Variants in EML4 observed in about 807,000 individuals in gnomAD.
EML4 encodes the protein EMAP like 4, also known as echinoderm microtubule-associated protein-like 4.
In EML4, 72 loss-of-function variants were observed where a neutral mutation model predicts 129.0. The ratio of observed to expected loss-of-function variants is 0.56; its 90% confidence interval spans 0.46 to 0.68. EML4 has a LOEUF of 0.68. EML4 is among the 30% of genes least tolerant of loss of function. EML4 has a pLI of 0.00. For missense variants in EML4, 1,363 were observed against 1,190.6 expected, an observed-to-expected ratio of 1.14 and a Z score of -2.13; for synonymous variants, 532 against 405.0, an observed-to-expected ratio of 1.31 and a Z score of -3.77.
At chr2:42,239,621 C>T (rs988962059) in intron 1 of EML4, among the ~76,000 whole-genome samples, 3 of 151,894 alleles carry the variant, frequency 2.0e-5, no homozygotes, top group Non-Finnish European at 4.4e-5. Flanking sequence ...CTTGAGAATT[C>T]ATTTGTATTT....
intron 1 of EML4, among the ~76,000 whole-genome samples, chr2:42,234,189 G>A (rs536063820): frequency 5.4e-4 from 83 of 152,318 alleles, no homozygotes; most frequent in African/African-American, 1.8e-3. Context: ...AGAGCAAAAG[G>A]GCAGGAGAAG....
intron 1 of EML4, among the ~76,000 whole-genome samples, chr2:42,233,159 C>T (rs560928155): frequency 1.3e-5 from 2 of 152,262 alleles, no homozygotes; most frequent in South Asian, 4.1e-4. Context: ...GTTTAGGTTT[C>T]ATCCCTTCAC....
intron 1 of EML4, among the ~76,000 whole-genome samples, chr2:42,179,594 A>G (rs907970230): frequency 2.0e-5 from 3 of 152,114 alleles, no homozygotes; most frequent in Admixed American, 6.6e-5. Flanking sequence ...AAGGTAATAC[A>G]TATATGGGGG....
intron 11 of EML4, among the ~76,000 whole-genome samples, chr2:42,291,612 G>T (rs1029555514): frequency 1.3e-5 from 2 of 151,676 alleles, no homozygotes; most frequent in African/African-American, 4.8e-5. Context: ...CACCATGTTG[G>T]CCAGGCTGGT....
At chr2:42,246,484 T>G (rs76030158) in intron 2 of EML4, among the ~76,000 whole-genome samples, 3,489 of 152,252 alleles carry the variant, frequency 0.023, 132 homozygotes, top group African/African-American at 0.08. Context: ...GGGAGGAGTT[T>G]TATATAACTC....
Position 42,303,084 on chromosome 2 carries a change from C to A in EML4, c.1642-20C>A. 1 of 1,612,744 alleles carries A rather than the reference C, an allele frequency of 6.2e-7. No individual in the cohort carries two copies. The highest frequency in any genetic ancestry group is 8.5e-7 in the Non-Finnish European group (1 of 1,179,416). ...ATGCATATTAGTATGTATATGGTGA[C>A]TTTACACTTTTTTTTCTAGGTTCCT... On this transcript the variant is annotated intron_variant, in intron 14 of 22. Coordinates refer to ENST00000318522, the MANE Select transcript of EML4 (RefSeq NM_019063.5).
intron 13 of EML4, 88 bp from the exon 14 acceptor site, chr2:42,301,153 C>G (rs2103712241): frequency 8.8e-7 from 1 of 1,130,722 alleles, no homozygotes; most frequent in Non-Finnish European, 1.3e-6. Context: ...ATTATTAACT[C>G]TAGTTCTACT....
chr2:42,182,837 C>A (rs1401825446), intron 1 of EML4, among the ~76,000 whole-genome samples: 4 of 152,140 alleles, frequency 2.6e-5, no homozygotes, highest in African/African-American at 9.7e-5. Context: ...CAACACCTTC[C>A]TCCCTAGCTT....
intron 1 of EML4, among the ~76,000 whole-genome samples, chr2:42,209,019 C>G (rs1672728630): frequency 6.6e-6 from 1 of 152,106 alleles, no homozygotes. Flanking sequence ...GTTTTATCCC[C>G]TAAGAGTCCA....
chr2:42,260,159 C>G (rs1358332611), intron 3 of EML4, among the ~76,000 whole-genome samples: 2 of 151,620 alleles, frequency 1.3e-5, no homozygotes, highest in African/African-American at 4.8e-5. Context: ...GCCACCACAC[C>G]CGGGCTCTGT....
At chr2:42,179,121 G>A (rs913791765) in intron 1 of EML4, among the ~76,000 whole-genome samples, 1 of 152,150 alleles carries the variant, frequency 6.6e-6, no homozygotes. Context: ...ATGGATTTGT[G>A]TGTCTCTGCA....
intron 1 of EML4, among the ~76,000 whole-genome samples, chr2:42,209,092 A>T (rs1231474294): frequency 6.6e-6 from 1 of 152,182 alleles, no homozygotes; most frequent in Non-Finnish European, 1.5e-5. Context: ...GCATCTTTAT[A>T]ATCTAATTGT....
At chr2:42,252,721 G>T (rs929244874) in intron 2 of EML4, among the ~76,000 whole-genome samples, 1 of 151,972 alleles carries the variant, frequency 6.6e-6, no homozygotes, top group Non-Finnish European at 1.5e-5. Flanking sequence ...TACACATACT[G>T]CAATAGGATC....
chr2:42,296,445 T>A (rs546086457), intron 13 of EML4, among the ~76,000 whole-genome samples: 16 of 151,234 alleles, frequency 1.1e-4, no homozygotes, highest in African/African-American at 3.9e-4. Flanking sequence ...TTCATTCACC[T>A]CCCCTAAACA....
In EML4 at chr2:42,235,471, C is replaced by G. The variant is rs143777826; in HGVS notation, c.26-10034C>G. On this transcript the variant is annotated intron_variant, in intron 1 of 22. Coordinates refer to ENST00000318522, the MANE Select transcript of EML4 (RefSeq NM_019063.5). Reference sequence around the variant, plus strand: ...GAGCCAGACTGTGTCTCAAAACAAACAAAACAAAAACACTATACACAGTGT... The same window carrying G: ...GAGCCAGACTGTGTCTCAAAACAAAGAAAACAAAAACACTATACACAGTGT... Among the ~76,000 whole-genome samples the G allele has an allele frequency of 7.8e-4, 118 of 152,134 alleles. 1 individual carries two copies. The East Asian group carries it at 0.015, about 20-fold the overall frequency.
intron 2 of EML4, among the ~76,000 whole-genome samples, chr2:42,252,518 C>T (rs993715757): frequency 1.3e-5 from 2 of 152,132 alleles, no homozygotes; most frequent in Non-Finnish European, 2.9e-5. Context: ...CAGCTTAAAA[C>T]CCTTTAGTGG....
At chr2:42,292,619 G>A (rs1431860522) in intron 11 of EML4, among the ~76,000 whole-genome samples, 2 of 152,214 alleles carry the variant, frequency 1.3e-5, no homozygotes, top group East Asian at 1.9e-4. Flanking sequence ...AGGGGATAGT[G>A]ACTGGAAAGG....
At position 42,329,809 on chromosome 2, in the gene EML4, A is replaced by C. The variant is rs749606869; in HGVS notation, c.2548A>C (p.Ile850Leu). Residue 850 changes from isoleucine (I) to leucine (L), a missense_variant, in exon 23 of 23, where the codon ATA becomes CTA. Physicochemically the swap from Ile to Leu is conservative, Grantham distance 5. Transcript: ENST00000318522. ...TTTTACTCACAATGACAGTCACCTG[A>C]TATCAACTGGTGGAAAAGACATGAG... is the stretch of plus-strand genomic sequence containing the variant. ...VSFTHNDSHL[I>L]STGGKDMSII... 2 of 1,614,118 alleles carry C rather than the reference A, an allele frequency of 1.2e-6. No individual in the cohort carries two copies. The highest frequency in any genetic ancestry group is 1.7e-6 in the Non-Finnish European group (2 of 1,179,988).
intron 6 of EML4, among the ~76,000 whole-genome samples, chr2:42,265,452 C>G (rs1470981787): frequency 6.6e-6 from 1 of 152,118 alleles, no homozygotes; most frequent in Non-Finnish European, 1.5e-5. Context: ...GTTGGCCAGG[C>G]TGGTCTCAAA....
Sources: gnomAD v4.1 joint callset for allele counts (sites outside exome capture counted in the v4.1 genomes callset) on GRCh38, gnomAD v4.1.1 for gene constraint, MANE v1.5 for transcripts, NCBI Gene and HGNC (gene_info 2026-07-23, HGNC 2026-07-21) for gene names.